The following OPCML variants were observed in gnomAD, a reference collection of about 807,000 sequenced individuals.
The protein encoded by OPCML is opioid-binding protein/cell adhesion molecule.
A neutral mutation model predicts 37.8 loss-of-function variants in OPCML; 13 were observed. The observed-to-expected ratio is 0.34, with a 90% CI of 0.22 to 0.55. The LOEUF is 0.55. Among genes scored for constraint, OPCML ranks in the 20% least tolerant of loss-of-function variants. The probability of loss-of-function intolerance (pLI) is 0.91; values close to 1 mark genes in which losing one functional copy is unlikely to be tolerated. For synonymous variants in OPCML, 176 were observed against 168.8 expected, an observed-to-expected ratio of 1.04 and a Z score of -0.33; for missense variants, 341 against 435.6, an observed-to-expected ratio of 0.78 and a Z score of 1.93.
At position 133,226,436 on chromosome 11, in the gene OPCML, A is replaced by G. The variant is rs147810841; in HGVS notation, c.62-283426T>C. Among the ~76,000 whole-genome samples the G allele has an allele frequency of 1.8e-4, 27 of 152,330 alleles. No individual in the cohort carries two copies. In the East Asian group the frequency reaches 5.2e-3, roughly 29 times the overall value. Reference sequence around the variant, plus strand: ...CTGATGGTTGTGATCCAAAGAGCCTACTATGACAAACTCCTCCCAACCTCT... The same window carrying G: ...CTGATGGTTGTGATCCAAAGAGCCTGCTATGACAAACTCCTCCCAACCTCT... On this transcript the variant is annotated intron_variant, in intron 1 of 7. Transcript: ENST00000524381.
At chr11:132,991,433 A>G (rs1450416680) in intron 1 of OPCML, among the ~76,000 whole-genome samples, 1 of 152,218 alleles carries the variant, frequency 6.6e-6, no homozygotes, top group Non-Finnish European at 1.5e-5. Flanking sequence ...GTGTCCTTGT[A>G]CATTTCTGCC....
intron 1 of OPCML, among the ~76,000 whole-genome samples, chr11:133,019,068 C>CA (rs1947397867): frequency 6.6e-6 from 1 of 152,206 alleles, no homozygotes; most frequent in African/African-American, 2.4e-5. Context: ...ATGATCTCTG[C>CA]AGGCTGGTGA....
chr11:132,451,699 A>C (rs372456295), intron 4 of OPCML, among the ~76,000 whole-genome samples: 3 of 152,242 alleles, frequency 2.0e-5, no homozygotes, highest in East Asian at 3.9e-4. Context: ...CTAGGGCCCT[A>C]AAAGTCTGAG....
At chr11:133,016,931 T>G (rs1947345372) in intron 1 of OPCML, among the ~76,000 whole-genome samples, 1 of 152,220 alleles carries the variant, frequency 6.6e-6, no homozygotes, top group African/African-American at 2.4e-5. Flanking sequence ...TTAGGTCTAA[T>G]AAGTCAGAAT....
chr11:132,937,630 G>A (rs1028599535), intron 2 of OPCML, among the ~76,000 whole-genome samples: 3 of 148,164 alleles, frequency 2.0e-5, no homozygotes, highest in Non-Finnish European at 3.0e-5. Flanking sequence ...GTGTGTGTGT[G>A]TGTGTGCTGG....
At chr11:132,811,848 G>A (rs116864351) in intron 2 of OPCML, among the ~76,000 whole-genome samples, 2,440 of 152,282 alleles carry the variant, frequency 0.016, 27 homozygotes, top group Middle Eastern at 0.027. Context: ...GAAGAGCCTA[G>A]CGCTCCATCA....
chr11:132,936,123 C>T (rs1321237217), intron 2 of OPCML, among the ~76,000 whole-genome samples: 1 of 152,122 alleles, frequency 6.6e-6, no homozygotes, highest in Non-Finnish European at 1.5e-5. Context: ...GGGAGGGAAG[C>T]CCCCAAGAAG....
At chr11:133,166,382 G>A (rs1008315064) in intron 1 of OPCML, among the ~76,000 whole-genome samples, 2 of 152,242 alleles carry the variant, frequency 1.3e-5, no homozygotes, top group Admixed American at 6.5e-5. Flanking sequence ...TGACGGAACT[G>A]TGACATAAAG....
At chr11:132,892,461 C>G (rs1387145412) in intron 2 of OPCML, among the ~76,000 whole-genome samples, 1 of 152,158 alleles carries the variant, frequency 6.6e-6, no homozygotes, top group Non-Finnish European at 1.5e-5. Context: ...GAGGCCCTTT[C>G]TCGCTTTCAA....
At chr11:133,362,653 A>G (rs1198717940) in intron 1 of OPCML, among the ~76,000 whole-genome samples, 1 of 152,158 alleles carries the variant, frequency 6.6e-6, no homozygotes, top group Admixed American at 6.5e-5. Flanking sequence ...ATGAGGTGAG[A>G]AACATCTTGG....
At chr11:133,228,129 G>T (rs997696316) in intron 1 of OPCML, among the ~76,000 whole-genome samples, 11 of 152,076 alleles carry the variant, frequency 7.2e-5, no homozygotes, top group Admixed American at 7.2e-4. Context: ...GAATAATTGC[G>T]GCCAGAGACT....
chr11:132,898,124 C>G (rs941051250), intron 2 of OPCML, among the ~76,000 whole-genome samples: 2 of 152,174 alleles, frequency 1.3e-5, no homozygotes, highest in African/African-American at 2.4e-5. Context: ...GCTAAGCTAG[C>G]TACAACCACC....
intron 1 of OPCML, among the ~76,000 whole-genome samples, chr11:133,530,627 C>T (rs1948586218): frequency 6.6e-6 from 1 of 152,230 alleles, no homozygotes; most frequent in South Asian, 2.1e-4. Flanking sequence ...GCACAGCCCC[C>T]AGGCTGGACC....
intron 1 of OPCML, among the ~76,000 whole-genome samples, chr11:133,313,662 C>T (rs1202040462): frequency 1.3e-5 from 2 of 152,048 alleles, no homozygotes; most frequent in African/African-American, 4.8e-5. Context: ...AGAGAAGAGG[C>T]CAGGAGCCAG....
chr11:133,289,620 T>G (rs1215997608), intron 1 of OPCML, among the ~76,000 whole-genome samples: 1 of 148,378 alleles, frequency 6.7e-6, no homozygotes, highest in African/African-American at 2.5e-5. Context: ...AAAAAAAAAT[T>G]GACATATTAG....
At chr11:133,344,947 T>A (rs1003183383) in intron 1 of OPCML, among the ~76,000 whole-genome samples, 15 of 152,150 alleles carry the variant, frequency 9.9e-5, no homozygotes, top group Non-Finnish European at 2.2e-4. Flanking sequence ...GCTAGCCACG[T>A]CACATGCGGA....
At chr11:133,253,198 G>A (rs746195895) in intron 1 of OPCML, among the ~76,000 whole-genome samples, 1 of 151,330 alleles carries the variant, frequency 6.6e-6, no homozygotes, top group Non-Finnish European at 1.5e-5. Flanking sequence ...AAAGGAATTA[G>A]CAGGCCTTGG....
At chr11:133,007,923 T>C in intron 1 of OPCML, 2 of 985,448 alleles carry the variant, frequency 2.0e-6, no homozygotes, top group Non-Finnish European at 2.4e-6. Context: ...TTGAGGTCCA[T>C]TGTGCATTTA....
At chr11:133,044,955 C>G (rs530810324) in intron 1 of OPCML, among the ~76,000 whole-genome samples, 1 of 152,254 alleles carries the variant, frequency 6.6e-6, no homozygotes, top group South Asian at 2.1e-4. Flanking sequence ...TGATCTGGAA[C>G]CTCTCCTCTC....
Sources: gnomAD v4.1 joint callset for allele counts (sites outside exome capture counted in the v4.1 genomes callset) on GRCh38, gnomAD v4.1.1 for gene constraint, MANE v1.5 for transcripts, NCBI Gene and HGNC (gene_info 2026-07-23, HGNC 2026-07-21) for gene names.